Variants in SAMD3 observed in about 807,000 individuals in gnomAD.
SAMD3 encodes sterile alpha motif domain containing 3, also known as sterile alpha motif domain-containing protein 3.
In SAMD3, 63 loss-of-function variants were observed where a neutral mutation model predicts 58.5. The ratio of observed to expected loss-of-function variants is 1.08; its 90% confidence interval spans 0.88 to 1.33. The LOEUF is 1.33. Ranked by LOEUF, SAMD3 falls within the 40% of genes most tolerant of loss-of-function variation. SAMD3 has a pLI of 0.00. For missense variants in SAMD3, 604 were observed against 608.4 expected, an observed-to-expected ratio of 0.99 and a Z score of 0.08; for synonymous variants, 220 against 210.3, an observed-to-expected ratio of 1.05 and a Z score of -0.40.
chr6:130,324,415 C>A (rs961916256), intron 1 of SAMD3, among the ~76,000 whole-genome samples: 16 of 152,136 alleles, frequency 1.1e-4, no homozygotes, highest in African/African-American at 2.4e-5. Flanking sequence ...GAAGAATATT[C>A]TTGACAGTCT....
At chr6:130,194,185 G>C (rs1318150381) in intron 5 of SAMD3, among the ~76,000 whole-genome samples, 2 of 152,166 alleles carry the variant, frequency 1.3e-5, no homozygotes, top group Admixed American at 6.5e-5. Context: ...TGGAGCTAAA[G>C]GTATAGTCAA....
chr6:130,278,018 C>A (rs1774843914), intron 2 of SAMD3, among the ~76,000 whole-genome samples: 1 of 152,090 alleles, frequency 6.6e-6, no homozygotes, highest in Non-Finnish European at 1.5e-5. Context: ...AGGGGCCATG[C>A]AGCTGGAAGC....
At chr6:130,145,519 G>A (rs1473363708) in intron 10 of SAMD3, 97 bp from the exon 11 acceptor site, 3 of 756,850 alleles carry the variant, frequency 4.0e-6, no homozygotes, top group Non-Finnish European at 6.6e-6. Flanking sequence ...TTGTTACCTT[G>A]GACAGAAAAC....
chr6:130,176,089 A>C, intron 7 of SAMD3, 81 bp from the exon 8 acceptor site: 1 of 1,048,372 alleles, frequency 9.5e-7, no homozygotes, highest in Non-Finnish European at 1.5e-6. Flanking sequence ...CAACAACAAT[A>C]CATACCTATC....
At chr6:130,356,000 T>A (rs1468883319) in intron 1 of SAMD3, among the ~76,000 whole-genome samples, 1 of 152,254 alleles carries the variant, frequency 6.6e-6, no homozygotes, top group Non-Finnish European at 1.5e-5. Context: ...AGGTGCAGCC[T>A]ATTTTGTCTG....
chr6:130,234,654 A>G (rs564740281), intron 2 of SAMD3, among the ~76,000 whole-genome samples: 3 of 152,336 alleles, frequency 2.0e-5, no homozygotes, highest in African/African-American at 7.2e-5. Flanking sequence ...GTGCTTGAAC[A>G]CATACAGAGC....
intron 2 of SAMD3, among the ~76,000 whole-genome samples, chr6:130,275,368 T>A (rs1451730688): frequency 6.6e-6 from 1 of 152,158 alleles, no homozygotes; most frequent in African/African-American, 2.4e-5. Context: ...AGATTTTACC[T>A]TTTTACCTTG....
intron 8 of SAMD3, among the ~76,000 whole-genome samples, chr6:130,155,857 G>A (rs75024091): frequency 0.026 from 3,887 of 152,204 alleles, 158 homozygotes; most frequent in African/African-American, 0.088. Flanking sequence ...CCTAAACCAA[G>A]TGAAGGAACG....
In SAMD3 at chr6:130,200,365, C is replaced by A. The variant is rs528834805; in HGVS notation, c.383+9130G>T. 2.1e-5 allele frequency among the ~76,000 whole-genome samples: 3 copies of A among 145,100 alleles called. No individual in the cohort carries two copies. In the South Asian group the frequency reaches 6.5e-4, roughly 32 times the overall value. On this transcript the variant is annotated intron_variant, in intron 5 of 11. Coordinates refer to ENST00000439090, the MANE Select transcript of SAMD3 (RefSeq NM_001017373.4). ...GACCATCCTGGCTAACACGGTGAAACCCCATCTGTACTAAAAATACAAAAA... is the reference window on the plus strand; with the variant it reads ...GACCATCCTGGCTAACACGGTGAAAACCCATCTGTACTAAAAATACAAAAA...
At chr6:130,220,523 G>T (rs1796177253) in intron 1 of SAMD3, among the ~76,000 whole-genome samples, 1 of 152,206 alleles carries the variant, frequency 6.6e-6, no homozygotes, top group African/African-American at 2.4e-5. Flanking sequence ...TCCTGCCAGA[G>T]ATGGTAACTG....
intron 5 of SAMD3, among the ~76,000 whole-genome samples, chr6:130,204,274 A>T (rs1794885348): frequency 6.6e-6 from 1 of 152,174 alleles, no homozygotes; most frequent in Non-Finnish European, 1.5e-5. Context: ...AGGGTAGACA[A>T]AAAAGCAAAG....
At chr6:130,268,982 T>G (rs1329551611) in intron 2 of SAMD3, among the ~76,000 whole-genome samples, 1 of 152,178 alleles carries the variant, frequency 6.6e-6, no homozygotes, top group Non-Finnish European at 1.5e-5. Context: ...ATTTATCATT[T>G]TTTTCCCTTT....
chr6:130,146,894 G>T (rs367889509), intron 9 of SAMD3, among the ~76,000 whole-genome samples: 1 of 152,076 alleles, frequency 6.6e-6, no homozygotes, highest in Non-Finnish European at 1.5e-5. Flanking sequence ...GATTGCCTTA[G>T]CCCGGGGAGA....
chr6:130,265,225 G>A (rs1184917097), intron 2 of SAMD3, among the ~76,000 whole-genome samples: 1 of 152,192 alleles, frequency 6.6e-6, no homozygotes, highest in African/African-American at 2.4e-5. Context: ...GAACATAACT[G>A]TGTAGAGGTA....
chr6:130,180,942 T>TTTCG (rs1792252918), intron 7 of SAMD3, among the ~76,000 whole-genome samples: 1 of 39,892 alleles, frequency 2.5e-5, no homozygotes, highest in Non-Finnish European at 7.5e-5. Context: ...CTTTTTTCTT[T>TTTCG]TTCTTTCTTT....
intron 7 of SAMD3, among the ~76,000 whole-genome samples, chr6:130,176,663 A>C (rs1418985918): frequency 6.6e-6 from 1 of 152,220 alleles, no homozygotes; most frequent in African/African-American, 2.4e-5. Flanking sequence ...TTAGGAGATC[A>C]TAAAAGCCTT....
At chr6:130,281,982 T>G (rs574612170) in intron 2 of SAMD3, among the ~76,000 whole-genome samples, 1 of 152,178 alleles carries the variant, frequency 6.6e-6, no homozygotes, top group African/African-American at 2.4e-5. Context: ...CTTTTCAGCA[T>G]TTGCACATGC....
At chr6:130,362,000 T>C (rs1338450247) in intron 1 of SAMD3, among the ~76,000 whole-genome samples, 1 of 152,016 alleles carries the variant, frequency 6.6e-6, no homozygotes, top group African/African-American at 2.4e-5. Flanking sequence ...TCAGTAAAAG[T>C]TAATATTTTA....
intron 2 of SAMD3, among the ~76,000 whole-genome samples, chr6:130,294,821 T>G (rs1775501395): frequency 6.6e-6 from 1 of 151,816 alleles, no homozygotes; most frequent in African/African-American, 2.4e-5. Context: ...CTTGATTATT[T>G]GCAGGCAATT....
Sources: gnomAD v4.1 joint callset for allele counts (sites outside exome capture counted in the v4.1 genomes callset) on GRCh38, gnomAD v4.1.1 for gene constraint, MANE v1.5 for transcripts, NCBI Gene and HGNC (gene_info 2026-07-23, HGNC 2026-07-21) for gene names.